FOXN3: variants seen among roughly 807,000 people sequenced by gnomAD.
The protein encoded by FOXN3 is forkhead box protein N3.
A neutral mutation model predicts 38.4 loss-of-function variants in FOXN3; 7 were observed. The ratio of observed to expected loss-of-function variants is 0.18; its 90% CI spans 0.10 to 0.34. The LOEUF (loss-of-function observed/expected upper bound fraction) is 0.34, where lower values mean the gene tolerates loss of function less well. FOXN3 is among the 10% of genes least tolerant of loss of function. The pLI, the probability that FOXN3 is intolerant of heterozygous loss-of-function variation, is 1.00. For synonymous variants in FOXN3, 230 were observed against 242.2 expected (o/e 0.95, Z 0.47); for missense variants, 456 against 613.4 (o/e 0.74, Z 2.71).
intron 1 of FOXN3, among the ~76,000 whole-genome samples, chr14:89,542,845 T>C (rs1894818389): frequency 6.6e-6 from 1 of 152,246 alleles, no homozygotes; most frequent in Admixed American, 6.5e-5. Flanking sequence ...CAGTCCATTA[T>C]TAAAATTGCA....
intron 1 of FOXN3, among the ~76,000 whole-genome samples, chr14:89,593,576 C>T (rs1258095951): frequency 6.6e-6 from 1 of 152,192 alleles, no homozygotes; most frequent in East Asian, 1.9e-4. Context: ...TCTATATTCT[C>T]ATCACAATAA....
At chr14:89,443,949 C>A (rs1315483400) in intron 1 of FOXN3, among the ~76,000 whole-genome samples, 1 of 132,362 alleles carries the variant, frequency 7.6e-6, no homozygotes, top group African/African-American at 2.9e-5. Flanking sequence ...GTGGAGGTTG[C>A]AGTGAGCCAA....
chr14:89,385,891 C>T (rs954685036), intron 2 of FOXN3, among the ~76,000 whole-genome samples: 6 of 152,214 alleles, frequency 3.9e-5, no homozygotes, highest in Admixed American at 6.5e-5. Context: ...AAGAGGAGAA[C>T]AAGATGAGAA....
chr14:89,281,668 AC>A (rs1886465035), intron 3 of FOXN3, among the ~76,000 whole-genome samples: 1 of 152,126 alleles, frequency 6.6e-6, no homozygotes, highest in Admixed American at 6.5e-5. Flanking sequence ...AAAGACACTT[AC>A]CGCATTCATA....
intron 3 of FOXN3, among the ~76,000 whole-genome samples, chr14:89,333,558 G>A (rs1000275148): frequency 1.3e-4 from 20 of 150,342 alleles, no homozygotes; most frequent in Admixed American, 2.6e-4. Context: ...TCAGAAGCTC[G>A]AGACCAGCCT....
intron 4 of FOXN3, among the ~76,000 whole-genome samples, chr14:89,229,442 T>C (rs1884738936): frequency 6.6e-6 from 1 of 152,194 alleles, no homozygotes; most frequent in Non-Finnish European, 1.5e-5. Flanking sequence ...TCTTGGTGGC[T>C]GTGGGATCAC....
At chr14:89,215,135 T>A (rs1035313905) in intron 4 of FOXN3, among the ~76,000 whole-genome samples, 5 of 151,956 alleles carry the variant, frequency 3.3e-5, no homozygotes, top group Non-Finnish European at 7.4e-5. Flanking sequence ...TCTTTTAAAA[T>A]CCAAACTAGT....
At chr14:89,281,827 G>A (rs1886471283) in intron 3 of FOXN3, among the ~76,000 whole-genome samples, 1 of 152,136 alleles carries the variant, frequency 6.6e-6, no homozygotes, top group African/African-American at 2.4e-5. Context: ...AGTCAAAAAT[G>A]TTACTACATC....
intron 2 of FOXN3, among the ~76,000 whole-genome samples, chr14:89,373,099 G>A (rs1372618145): frequency 6.6e-6 from 1 of 152,064 alleles, no homozygotes; most frequent in Non-Finnish European, 1.5e-5. Context: ...CCAAGAATTC[G>A]AGGCTACAGT....
chr14:89,294,128 A>G (rs1265100121), intron 3 of FOXN3, among the ~76,000 whole-genome samples: 1 of 151,560 alleles, frequency 6.6e-6, no homozygotes, highest in African/African-American at 2.4e-5. Context: ...TTCTGTTTCT[A>G]CTCCCAGGCC....
At chr14:89,241,961 G>A (rs1017330928) in intron 4 of FOXN3, among the ~76,000 whole-genome samples, 14 of 152,122 alleles carry the variant, frequency 9.2e-5, no homozygotes, top group African/African-American at 2.2e-4. Flanking sequence ...CTGCTCCCCC[G>A]GACAAGGCGT....
chr14:89,545,901 C>T (rs1444378192), intron 1 of FOXN3, among the ~76,000 whole-genome samples: 2 of 152,144 alleles, frequency 1.3e-5, no homozygotes, highest in Non-Finnish European at 2.9e-5. Context: ...TCCATGGAAC[C>T]TTCTCTACTC....
chr14:89,348,777 C>A (rs1404958322), intron 3 of FOXN3, among the ~76,000 whole-genome samples: 2 of 152,036 alleles, frequency 1.3e-5, no homozygotes, highest in Non-Finnish European at 2.9e-5. Context: ...ATTTTTATGT[C>A]TATATTAAAA....
intron 1 of FOXN3, among the ~76,000 whole-genome samples, chr14:89,488,981 T>C (rs1472500796): frequency 6.6e-6 from 1 of 152,218 alleles, no homozygotes; most frequent in Non-Finnish European, 1.5e-5. Flanking sequence ...CAAGTTGGTA[T>C]GGCATTGCTT....
At chr14:89,310,191 T>C (rs886977113) in intron 3 of FOXN3, among the ~76,000 whole-genome samples, 26 of 152,196 alleles carry the variant, frequency 1.7e-4, no homozygotes, top group Admixed American at 1.4e-3. Context: ...GAGGGGGATA[T>C]GGCTTTAGGT....
At chr14:89,298,369 C>A (rs184007641) in intron 3 of FOXN3, among the ~76,000 whole-genome samples, 126 of 149,592 alleles carry the variant, frequency 8.4e-4, no homozygotes, top group African/African-American at 3.0e-3. Flanking sequence ...GCTGGCTGTA[C>A]AACAGCTGAG....
intron 4 of FOXN3, among the ~76,000 whole-genome samples, chr14:89,233,345 G>A (rs1004897893): frequency 6.6e-6 from 1 of 152,150 alleles, no homozygotes; most frequent in East Asian, 1.9e-4. Flanking sequence ...TAACTTGGTG[G>A]TGTCTGAGGT....
At position 89,160,486 on chromosome 14, in the gene FOXN3, A is replaced by G. The variant is rs1490578569; in HGVS notation, c.*1928T>C. The G allele has an allele frequency of 2.6e-5, 4 of 152,328 alleles. No individual in the cohort carries two copies. The highest frequency in any genetic ancestry group is 2.0e-4 in the Admixed American group (3 of 15,252). The allele number at this position is 152,328 out of a possible 1,614,324, so 9.4% of individuals were successfully genotyped here. A position where few individuals can be genotyped will look rare whatever the true frequency, so the allele number is the denominator to read the frequency against. On this transcript the variant is annotated 3_prime_UTR_variant, in exon 6 of 6. Coordinates refer to ENST00000557258, the MANE Select transcript of FOXN3 (RefSeq NM_005197.4). ...GAACCCCATCTCGTCCCCTCACCCA[A>G]TAAGGCCCATTAGCACGGTTCCCCT...
At chr14:89,443,634 G>C (rs1469496325) in intron 1 of FOXN3, among the ~76,000 whole-genome samples, 2 of 152,192 alleles carry the variant, frequency 1.3e-5, no homozygotes, top group Admixed American at 1.3e-4. Context: ...GGAAACCTAA[G>C]AGCAGATTCA....
Sources: allele counts gnomAD v4.1 joint callset (sites outside exome capture counted in the v4.1 genomes callset), GRCh38; gene constraint gnomAD v4.1.1; transcripts MANE v1.5; gene names NCBI Gene and HGNC (gene_info 2026-07-23, HGNC 2026-07-21).